The following ZNF212 variants were observed in gnomAD, a reference collection of about 807,000 sequenced individuals.
ZNF212 encodes the protein zinc finger protein 212.
A neutral mutation model predicts 47.3 loss-of-function variants in ZNF212; 32 were observed. The observed-to-expected ratio is 0.68, with a 90% CI of 0.51 to 0.91. The LOEUF (loss-of-function observed/expected upper bound fraction) is 0.91, where lower values mean the gene tolerates loss of function less well. Among genes scored for constraint, ZNF212 ranks in the 40% least tolerant of loss-of-function variants. The pLI is 0.00. For missense variants in ZNF212, 555 were observed against 622.8 expected, an observed-to-expected ratio of 0.89 and a Z score of 1.16; for synonymous variants, 242 against 253.8, an observed-to-expected ratio of 0.95 and a Z score of 0.44.
Position 149,255,567 on chromosome 7 carries a change from C to T in ZNF212, c.*1152C>T, listed in dbSNP as rs1408261812. The T allele has an allele frequency of 6.5e-6, 1 of 153,030 alleles. No homozygotes were observed. The highest frequency in any genetic ancestry group is 2.4e-5 in the African/African-American group (1 of 41,134). The allele number at this position is 153,030 out of a possible 1,614,324, so 9.5% of individuals were successfully genotyped here. A position where few individuals can be genotyped will look rare whatever the true frequency, so the allele number is the denominator to read the frequency against. On this transcript the variant is annotated 3_prime_UTR_variant, in exon 5 of 5. Coordinates refer to ENST00000335870, the MANE Select transcript of ZNF212 (RefSeq NM_012256.4). ...CATCCCCTTGGATGATTTGCGGTTG[C>T]TTAGAATAAAACTTGCTACTAGCAA... is the stretch of plus-strand genomic sequence containing the variant.
At chr7:149,251,166 T>C in intron 3 of ZNF212, 1 of 262,506 alleles carries the variant, frequency 3.8e-6, no homozygotes, top group Non-Finnish European at 7.2e-6. Flanking sequence ...ATGTTGTTTT[T>C]TAATTTATTT....
chr7:149,250,836 T>C, intron 3 of ZNF212, 29 bp downstream of exon 3: 1 of 1,613,124 alleles, frequency 6.2e-7, no homozygotes, highest in Non-Finnish European at 8.5e-7. Context: ...CCTAGAATTC[T>C]GTCTCAGACA....
intron 4 of ZNF212, among the ~76,000 whole-genome samples, chr7:149,253,045 G>A (rs1001971610): frequency 5.3e-5 from 8 of 152,108 alleles, no homozygotes; most frequent in African/African-American, 1.9e-4. Flanking sequence ...AGTACCGTAC[G>A]AGGCGGTAGT....
At chr7:149,242,031 T>C (rs1796599518) in intron 1 of ZNF212, among the ~76,000 whole-genome samples, 1 of 147,836 alleles carries the variant, frequency 6.8e-6, no homozygotes, top group African/African-American at 2.5e-5. Context: ...CTTTTTTTTT[T>C]TTTTTTTTTG....
At chr7:149,240,382 AC>A (rs71194632) in intron 1 of ZNF212, among the ~76,000 whole-genome samples, 2,538 of 109,292 alleles carry the variant, frequency 0.023, 46 homozygotes, top group African/African-American at 0.045. Flanking sequence ...TCTCTCCTTC[AC>A]CCCCCCCCCA....
chr7:149,248,817 T>G (rs1353040159), intron 1 of ZNF212, among the ~76,000 whole-genome samples: 1 of 152,276 alleles, frequency 6.6e-6, no homozygotes, highest in Admixed American at 6.5e-5. Flanking sequence ...AGCTTTTGTC[T>G]CATGTGTTCC....
In ZNF212 at chr7:149,254,374, G is replaced by A. The variant is rs768436461; in HGVS notation, c.1447G>A (p.Gly483Arg). The part of the protein sequence containing the change: ...HQKIHQRERG[G>R]LALEPGRPNG... ...GAAGATCCACCAGCGGGAGCGGGGT[G>A]GGCTGGCCCTGGAGCCCGGAAGGCC... is the stretch of plus-strand genomic sequence containing the variant. The change falls in exon 5 of 5, where the codon GGG (glycine) becomes AGG (arginine). Residue 483 changes from glycine to arginine, a missense_variant. Physicochemically the swap from Gly to Arg is moderately radical, Grantham distance 125. Transcript: ENST00000335870. This position sits in a 1 kb window ranked among gnomAD's most constrained non-coding sequence, Gnocchi z 4.5. The A allele has an allele frequency of 4.4e-6, 7 of 1,607,788 alleles. No individual in the cohort carries two copies. The East Asian group carries it at 1.3e-4, about 31-fold the overall frequency.
At chr7:149,239,867 C>T (rs1796561638) in intron 1 of ZNF212, 65 bp downstream of exon 1, 1 of 1,257,604 alleles carries the variant, frequency 8.0e-7, no homozygotes, top group Non-Finnish European at 1.0e-6. Flanking sequence ...CTGCCGGGGG[C>T]GGGGCTTCGC....
chr7:149,244,517 G>A (rs2129524213), intron 1 of ZNF212, among the ~76,000 whole-genome samples: 1 of 151,964 alleles, frequency 6.6e-6, no homozygotes, highest in East Asian at 2.0e-4. Flanking sequence ...GTTTCACCAT[G>A]TTAGCCAGGA....
At chr7:149,240,141 A>G (rs1427186578) in intron 1 of ZNF212, 2 of 284,252 alleles carry the variant, frequency 7.0e-6, no homozygotes, top group African/African-American at 4.4e-5. Flanking sequence ...TCCAGATTGG[A>G]AACGGTCTCC....
At chr7:149,245,808 A>G (rs1312585568) in intron 1 of ZNF212, among the ~76,000 whole-genome samples, 4 of 152,156 alleles carry the variant, frequency 2.6e-5, no homozygotes, top group Non-Finnish European at 4.4e-5. Flanking sequence ...GTGCCCAGCC[A>G]TAGATTCCCC....
chr7:149,243,732 T>TA (rs1796633721), intron 1 of ZNF212, among the ~76,000 whole-genome samples: 4 of 152,248 alleles, frequency 2.6e-5, no homozygotes, highest in Admixed American at 2.0e-4. Flanking sequence ...GATTCACTGT[T>TA]ATAATAGGAG....
intron 1 of ZNF212, among the ~76,000 whole-genome samples, chr7:149,246,478 G>T (rs2129524255): frequency 6.6e-6 from 1 of 152,156 alleles, no homozygotes; most frequent in African/African-American, 2.4e-5. Context: ...CGCCTGCTGG[G>T]TTCACACCAT....
chr7:149,239,878 G>T (rs1796561857), intron 1 of ZNF212, 76 bp downstream of exon 1: 1 of 1,254,878 alleles, frequency 8.0e-7, no homozygotes, highest in Non-Finnish European at 1.0e-6. Flanking sequence ...GGGGCTTCGC[G>T]GTTTGGACGC....
At chr7:149,245,173 A>C (rs1332663219) in intron 1 of ZNF212, among the ~76,000 whole-genome samples, 1 of 151,816 alleles carries the variant, frequency 6.6e-6, no homozygotes, top group Admixed American at 6.6e-5. Flanking sequence ...ACATGGTGAA[A>C]CCCTGTCCCT....
chr7:149,243,615 T>G (rs1404994954), intron 1 of ZNF212, among the ~76,000 whole-genome samples: 2 of 152,160 alleles, frequency 1.3e-5, no homozygotes, highest in African/African-American at 4.8e-5. Context: ...ACTTTTGTAA[T>G]GGTAAAAGAC....
intron 1 of ZNF212, among the ~76,000 whole-genome samples, chr7:149,240,953 A>G (rs1796579073): frequency 6.6e-6 from 1 of 152,232 alleles, no homozygotes; most frequent in African/African-American, 2.4e-5. Context: ...GACAAGACAC[A>G]AATGTTTACA....
intron 1 of ZNF212, chr7:149,240,027 G>C (rs748369756): frequency 6.6e-6 from 3 of 456,372 alleles, no homozygotes; most frequent in Non-Finnish European, 1.1e-5. Context: ...GTGCGCCCTT[G>C]CCCAGAAACT....
At chr7:149,246,496 C>T (rs1167234660) in intron 1 of ZNF212, among the ~76,000 whole-genome samples, 1 of 152,078 alleles carries the variant, frequency 6.6e-6, no homozygotes, top group Non-Finnish European at 1.5e-5. Flanking sequence ...CATTCTCTCG[C>T]CTCAACCTCC....
Sources: allele counts gnomAD v4.1 joint callset (sites outside exome capture counted in the v4.1 genomes callset), GRCh38; gene constraint gnomAD v4.1.1; non-coding constraint Gnocchi (gnomAD v3.1); transcripts MANE v1.5; gene names NCBI Gene and HGNC (gene_info 2026-07-23, HGNC 2026-07-21).